The following COG5 variants were observed in gnomAD, a reference collection of about 807,000 sequenced individuals.
COG5 encodes the protein conserved oligomeric Golgi complex subunit 5.
A neutral mutation model predicts 110.4 loss-of-function variants in COG5; 86 were observed. The ratio of observed to expected loss-of-function variants is 0.78; its 90% CI spans 0.65 to 0.93. COG5 has a LOEUF of 0.93. COG5 is among the 40% of genes least tolerant of loss of function. COG5 has a pLI of 0.00. For missense variants in COG5, 1,077 were observed against 987.0 expected, an observed-to-expected ratio of 1.09 and a Z score of -1.22; for synonymous variants, 360 against 334.6, an observed-to-expected ratio of 1.08 and a Z score of -0.83.
At chr7:107,342,251 C>T (rs538819561) in intron 10 of COG5, among the ~76,000 whole-genome samples, 1 of 151,246 alleles carries the variant, frequency 6.6e-6, no homozygotes, top group Admixed American at 6.6e-5. Context: ...ATACAAGGAG[C>T]CAACAAACAT....
chr7:107,361,909 T>A (rs1813150273), intron 10 of COG5, 124 bp downstream of exon 10: 1 of 676,206 alleles, frequency 1.5e-6, no homozygotes, highest in Non-Finnish European at 2.7e-6. Flanking sequence ...TGTCAAGAAA[T>A]ACACTTCTCT....
intron 17 of COG5, among the ~76,000 whole-genome samples, chr7:107,244,235 C>G (rs1801874643): frequency 6.6e-6 from 1 of 152,058 alleles, no homozygotes; most frequent in Non-Finnish European, 1.5e-5. Context: ...CTGGGCAACA[C>G]AGCAAGACTC....
chr7:107,239,396 C>T (rs1801445125), intron 17 of COG5, among the ~76,000 whole-genome samples: 1 of 152,128 alleles, frequency 6.6e-6, no homozygotes, highest in African/African-American at 2.4e-5. Context: ...TGTGATACCT[C>T]TAGCTTTATT....
chr7:107,219,331 T>C (rs535655819), intron 19 of COG5, among the ~76,000 whole-genome samples: 4 of 152,272 alleles, frequency 2.6e-5, no homozygotes, highest in Non-Finnish European at 4.4e-5. Context: ...GCAACCCCAC[T>C]TGAGTACATA....
intron 6 of COG5, chr7:107,471,396 T>C (rs1796624571): frequency 6.6e-6 from 1 of 152,030 alleles, no homozygotes. Flanking sequence ...AATTCAGTAT[T>C]TACAACTGAC....
intron 6 of COG5, among the ~76,000 whole-genome samples, chr7:107,489,965 A>AT: frequency 6.6e-6 from 1 of 152,348 alleles, no homozygotes; most frequent in Non-Finnish European, 1.5e-5. Context: ...AATGTTCAGC[A>AT]TAATACCTGC....
At chr7:107,413,917 A>G (rs554073070) in intron 6 of COG5, among the ~76,000 whole-genome samples, 1 of 152,250 alleles carries the variant, frequency 6.6e-6, no homozygotes, top group Non-Finnish European at 1.5e-5. Context: ...GAATCTAAGT[A>G]ATCTGAACAA....
At chr7:107,312,516 A>T (rs1287346752) in intron 11 of COG5, among the ~76,000 whole-genome samples, 1 of 152,180 alleles carries the variant, frequency 6.6e-6, no homozygotes, top group African/African-American at 2.4e-5. Context: ...GGCGTCAGGG[A>T]ACACTTCATT....
chr7:107,284,882 A>G (rs1805496752), intron 12 of COG5, among the ~76,000 whole-genome samples: 1 of 152,086 alleles, frequency 6.6e-6, no homozygotes, highest in Admixed American at 6.6e-5. Context: ...TTTCTTTTAT[A>G]AACAACAAAT....
At chr7:107,427,466 T>C (rs898958276) in intron 6 of COG5, among the ~76,000 whole-genome samples, 40 of 152,206 alleles carry the variant, frequency 2.6e-4, no homozygotes, top group African/African-American at 7.2e-4. Context: ...TCTTCTGTTA[T>C]GGACTGAATT....
intron 6 of COG5, among the ~76,000 whole-genome samples, chr7:107,507,396 C>A (rs972740355): frequency 1.3e-4 from 19 of 150,908 alleles, no homozygotes; most frequent in Non-Finnish European, 2.7e-4. Context: ...CGGGTTCACA[C>A]CATTCTCCTG....
intron 8 of COG5, among the ~76,000 whole-genome samples, 179 bp from the exon 9 acceptor site, chr7:107,362,599 T>C (rs140756626): frequency 2.4e-3 from 361 of 152,178 alleles, no homozygotes; most frequent in Non-Finnish European, 3.5e-3. Flanking sequence ...AAGCGACACA[T>C]ACCCAGGAAG....
intron 6 of COG5, among the ~76,000 whole-genome samples, chr7:107,499,655 C>T (rs1340936020): frequency 6.6e-6 from 1 of 152,012 alleles, no homozygotes; most frequent in East Asian, 1.9e-4. Flanking sequence ...GATCAGGCTG[C>T]CTCAGACCTC....
In COG5 at chr7:107,204,156, C is replaced by G. The variant is rs189551290; in HGVS notation, c.2376-526G>C. Among the ~76,000 whole-genome samples the G allele has an allele frequency of 5.3e-3, 810 of 152,306 alleles. 20 individuals carry two copies. Among genetic ancestry groups the G allele is most frequent in the Non-Finnish European group, 4.1e-3 (278 of 68,036 alleles). On this transcript the variant is annotated intron_variant, in intron 21 of 21. Coordinates refer to ENST00000297135, the MANE Select transcript of COG5 (RefSeq NM_006348.5). Reference sequence around the variant, plus strand: ...GCTCTTGGGCTGTAATGGCAAAATACATGATCGGGAAGCAGTCTGAATTTA... The same window carrying G: ...GCTCTTGGGCTGTAATGGCAAAATAGATGATCGGGAAGCAGTCTGAATTTA...
chr7:107,323,334 G>T (rs987971763), intron 11 of COG5, among the ~76,000 whole-genome samples: 7 of 152,234 alleles, frequency 4.6e-5, no homozygotes, highest in Admixed American at 3.9e-4. Flanking sequence ...TTCGAGACCA[G>T]CCTGACCAAC....
At chr7:107,365,088 A>T (rs1813482758) in intron 8 of COG5, among the ~76,000 whole-genome samples, 1 of 152,138 alleles carries the variant, frequency 6.6e-6, no homozygotes, top group South Asian at 2.1e-4. Context: ...GTTTTATTAT[A>T]ATTATGAAAC....
chr7:107,255,632 C>T (rs915626705), intron 16 of COG5, among the ~76,000 whole-genome samples: 2 of 152,024 alleles, frequency 1.3e-5, no homozygotes, highest in African/African-American at 2.4e-5. Context: ...AATTTTAAAA[C>T]TCTCCCTTAG....
intron 6 of COG5, among the ~76,000 whole-genome samples, chr7:107,516,197 A>G (rs1563077879): frequency 6.6e-6 from 1 of 152,228 alleles, no homozygotes; most frequent in Admixed American, 6.5e-5. Flanking sequence ...AGATAATAGT[A>G]TACTTTTCAT....
intron 6 of COG5, among the ~76,000 whole-genome samples, chr7:107,466,569 AATCACCAATGTTGTTG>A (rs1359897242): frequency 3.3e-5 from 5 of 152,220 alleles, no homozygotes; most frequent in Admixed American, 3.3e-4. Context: ...ATAGAAAATG[AATCACCAATGTTGTTG>A]ATTCTCTACG....
Sources: allele counts gnomAD v4.1 joint callset (sites outside exome capture counted in the v4.1 genomes callset), GRCh38; gene constraint gnomAD v4.1.1; transcripts MANE v1.5; gene names NCBI Gene and HGNC (gene_info 2026-07-23, HGNC 2026-07-21).